GRHL2: variants seen among roughly 807,000 people sequenced by gnomAD.
The protein encoded by GRHL2 is grainyhead like transcription factor 2.
In GRHL2, 21 loss-of-function variants were observed where a neutral mutation model predicts 83.8. That is an observed-to-expected ratio of 0.25 (90% CI 0.18 to 0.36). GRHL2 has a LOEUF of 0.36. Among genes scored for constraint, GRHL2 ranks in the 10% least tolerant of loss-of-function variants. The pLI is 1.00. For missense variants in GRHL2, 623 were observed against 781.8 expected (o/e 0.80, Z 2.42); for synonymous variants, 280 against 278.9 (o/e 1.00, Z -0.04).
chr8:101,508,403 T>TTTC (rs199937469), intron 1 of GRHL2, among the ~76,000 whole-genome samples: 1 of 151,576 alleles, frequency 6.6e-6, no homozygotes, highest in Admixed American at 6.6e-5. Context: ...TTTTTTTTTT[T>TTTC]CATCACGGGA....
intron 1 of GRHL2, among the ~76,000 whole-genome samples, chr8:101,495,466 G>A (rs1810080498): frequency 6.6e-6 from 1 of 152,166 alleles, no homozygotes; most frequent in African/African-American, 2.4e-5. Context: ...TTTTGTCTTT[G>A]TACATATTTT....
At chr8:101,615,338 A>G (rs999887850) in intron 8 of GRHL2, among the ~76,000 whole-genome samples, 7 of 152,228 alleles carry the variant, frequency 4.6e-5, no homozygotes, top group African/African-American at 1.7e-4. Flanking sequence ...ATAAGGCCAC[A>G]TTTAATATTG....
At chr8:101,646,159 G>C (rs1813507132) in intron 13 of GRHL2, among the ~76,000 whole-genome samples, 1 of 152,152 alleles carries the variant, frequency 6.6e-6, no homozygotes, top group Non-Finnish European at 1.5e-5. Context: ...TAGCCACCAT[G>C]CCTAGCCAAA....
chr8:101,652,428 G>A (rs1011375986), intron 14 of GRHL2, among the ~76,000 whole-genome samples: 7 of 75,370 alleles, frequency 9.3e-5, no homozygotes, highest in East Asian at 4.1e-4. Flanking sequence ...TGTGTGTGGT[G>A]TGTGTGTCTG....
chr8:101,677,168 A>G, the GRHL2 span, among the ~76,000 whole-genome samples: 20 of 151,816 alleles, frequency 1.3e-4, no homozygotes, highest in African/African-American at 4.8e-4. Context: ...CATATGTAAC[A>G]AACTTGCACA....
At position 101,669,569 on chromosome 8, in the gene GRHL2, T is replaced by C. The variant is rs945346237; in HGVS notation, c.*2866T>C. 6.6e-6 allele frequency: 1 copy of C among 151,420 alleles called. No individual in the cohort carries two copies. The highest frequency in any genetic ancestry group is 6.6e-5 in the Admixed American group (1 of 15,048). 9.4% of individuals were successfully genotyped at this position (151,420 alleles called of 1,614,324 possible). On this transcript the variant is annotated 3_prime_UTR_variant, in exon 16 of 16. Coordinates refer to ENST00000646743, the MANE Select transcript of GRHL2 (RefSeq NM_024915.4). ...AAGACAAGCAAGGGAGATTGATATATGTACAATTTGCTCTCATGTTTTAAA... is the reference window on the plus strand; with the variant it reads ...AAGACAAGCAAGGGAGATTGATATACGTACAATTTGCTCTCATGTTTTAAA...
At chr8:101,555,553 T>C (rs1481991361) in intron 3 of GRHL2, among the ~76,000 whole-genome samples, 1 of 152,168 alleles carries the variant, frequency 6.6e-6, no homozygotes, top group African/African-American at 2.4e-5. Flanking sequence ...TAGGACATGG[T>C]AATGTAAATG....
intron 1 of GRHL2, among the ~76,000 whole-genome samples, chr8:101,507,226 T>A (rs1810358727): frequency 8.7e-6 from 1 of 115,054 alleles, no homozygotes; most frequent in Non-Finnish European, 1.8e-5. Context: ...TTCAACTTGT[T>A]ACTTTAATTT....
intron 8 of GRHL2, among the ~76,000 whole-genome samples, chr8:101,599,665 G>A (rs1279564983): frequency 6.6e-6 from 1 of 152,198 alleles, no homozygotes; most frequent in Admixed American, 6.5e-5. Flanking sequence ...TTTAATGTTG[G>A]CTGCTTAACT....
chr8:101,585,394 C>T (rs1812143135), intron 7 of GRHL2, among the ~76,000 whole-genome samples: 1 of 152,130 alleles, frequency 6.6e-6, no homozygotes, highest in Non-Finnish European at 1.5e-5. Context: ...ACAAACCAAA[C>T]CAAACCTCTT....
intron 8 of GRHL2, among the ~76,000 whole-genome samples, chr8:101,602,552 T>C (rs1812538845): frequency 6.6e-6 from 1 of 152,230 alleles, no homozygotes; most frequent in African/African-American, 2.4e-5. Flanking sequence ...TACTTCTGTT[T>C]AGAATTTTAA....
intron 3 of GRHL2, among the ~76,000 whole-genome samples, chr8:101,555,178 G>A (rs867528557): frequency 1.3e-5 from 2 of 152,160 alleles, no homozygotes; most frequent in Non-Finnish European, 2.9e-5. Context: ...AAATATTTTG[G>A]CAAAGCCAAT....
intron 7 of GRHL2, among the ~76,000 whole-genome samples, chr8:101,588,946 C>T (rs1335256866): frequency 6.6e-6 from 1 of 152,106 alleles, no homozygotes; most frequent in Non-Finnish European, 1.5e-5. Flanking sequence ...GTTATAGTTT[C>T]TGGATATGTC....
intron 9 of GRHL2, among the ~76,000 whole-genome samples, chr8:101,627,882 C>G (rs1046702312): frequency 3.9e-5 from 6 of 152,126 alleles, no homozygotes; most frequent in Non-Finnish European, 8.8e-5. Flanking sequence ...TAATCCAGAG[C>G]AAGGCCCTAA....
chr8:101,678,473 G>C, the GRHL2 span, among the ~76,000 whole-genome samples: 5 of 152,068 alleles, frequency 3.3e-5, no homozygotes, highest in Non-Finnish European at 7.4e-5. Context: ...AGCAGTCTGA[G>C]ATCAAACTGC....
In GRHL2 at chr8:101,669,254, C is replaced by CTTTTTTTTTTCTT. The variant is rs1554599116; in HGVS notation, c.*2561_*2562insCTTTTTTTTTTTT. 9 of 126,642 alleles carry CTTTTTTTTTTCTT rather than the reference C, an allele frequency of 7.1e-5. 1 individual carries two copies. The highest frequency in any genetic ancestry group is 1.1e-4 in the Non-Finnish European group (7 of 61,460). 7.8% of individuals were successfully genotyped at this position (126,642 alleles called of 1,614,324 possible). A position where few individuals can be genotyped will look rare whatever the true frequency, so the allele number is the denominator to read the frequency against. ...GGACATGTGAAATGAGCATTTTTTT[C>CTTTTTTTTTTCTT]TTTTTTTTTTTTAACAAAGTCTGAA... is the stretch of plus-strand genomic sequence containing the variant. On this transcript the variant is annotated 3_prime_UTR_variant, in exon 16 of 16. Coordinates refer to ENST00000646743, the MANE Select transcript of GRHL2 (RefSeq NM_024915.4).
intron 1 of GRHL2, among the ~76,000 whole-genome samples, chr8:101,501,131 AAGTC>A (rs552485372): frequency 6.6e-6 from 1 of 152,250 alleles, no homozygotes; most frequent in Non-Finnish European, 1.5e-5. Flanking sequence ...TTTTGAAAAT[AAGTC>A]AGGGTTCTGG....
chr8:101,570,271 TTTA>T (rs1586105291), intron 4 of GRHL2, 65 bp from the exon 5 acceptor site: 24 of 1,155,646 alleles, frequency 2.1e-5, no homozygotes, highest in South Asian at 1.3e-4. Flanking sequence ...TTTGGATACA[TTTA>T]TTATTATCAT....
At chr8:101,533,233 G>A (rs1433008542) in intron 1 of GRHL2, among the ~76,000 whole-genome samples, 2 of 152,090 alleles carry the variant, frequency 1.3e-5, no homozygotes, top group Non-Finnish European at 2.9e-5. Flanking sequence ...TTATAATTAT[G>A]CTTCCTAAAA....
Sources: gnomAD v4.1 joint callset for allele counts (sites outside exome capture counted in the v4.1 genomes callset) on GRCh38, gnomAD v4.1.1 for gene constraint, MANE v1.5 for transcripts, NCBI Gene and HGNC (gene_info 2026-07-23, HGNC 2026-07-21) for gene names.